The following UBXN2A variants were observed in gnomAD, a reference collection of about 807,000 sequenced individuals.
The protein encoded by UBXN2A is UBX domain protein 2A, also known as UBX domain-containing protein 2A.
A neutral mutation model predicts 28.4 loss-of-function variants in UBXN2A; 28 were observed. That is an observed-to-expected ratio of 0.99 (90% CI 0.73 to 1.35). The LOEUF (loss-of-function observed/expected upper bound fraction) is 1.35, where lower values mean the gene tolerates loss of function less well. UBXN2A is among the 40% of genes most tolerant of loss of function. The pLI, the probability that UBXN2A is intolerant of heterozygous loss-of-function variation, is 0.00. For missense variants in UBXN2A, 253 were observed against 297.9 expected (o/e 0.85, Z 1.11); for synonymous variants, 97 against 103.6 (o/e 0.94, Z 0.39).
At chr2:23,944,510 G>A (rs767425370) in intron 1 of UBXN2A, among the ~76,000 whole-genome samples, 6 of 152,188 alleles carry the variant, frequency 3.9e-5, no homozygotes, top group Non-Finnish European at 8.8e-5. Flanking sequence ...CTTGTAGACC[G>A]TAATGGTGGA....
chr2:23,952,642 A>T (rs941474629), intron 1 of UBXN2A, among the ~76,000 whole-genome samples: 3 of 149,374 alleles, frequency 2.0e-5, no homozygotes, highest in African/African-American at 7.3e-5. Flanking sequence ...GACGGGTTTC[A>T]CCATGTTGGC....
intron 1 of UBXN2A, among the ~76,000 whole-genome samples, chr2:23,928,219 AAGGAAAG>A (rs1351462856): frequency 6.6e-6 from 1 of 150,502 alleles, no homozygotes; most frequent in Non-Finnish European, 1.5e-5. Context: ...GGAAGAAAGA[AAGGAAAG>A]AAAGAAAGAA....
chr2:23,971,275 G>A lies in UBXN2A; in HGVS notation c.42-1G>A. ...TGCCTGTTTTTCTTTATCTTGTTTA[G>A]GGTTTGTGAAACAGGATCTGATAAT... On this transcript the variant is annotated splice_acceptor_variant, in intron 2 of 6. Coordinates refer to ENST00000309033, the MANE Select transcript of UBXN2A (RefSeq NM_181713.4). LOFTEE classifies it high-confidence loss of function. 1 of 1,550,554 alleles carries A rather than the reference G, an allele frequency of 6.4e-7. No homozygotes were observed. The highest frequency in any genetic ancestry group is 8.8e-7 in the Non-Finnish European group (1 of 1,138,222).
chr2:23,977,849 C>A (rs1006448882), intron 4 of UBXN2A, among the ~76,000 whole-genome samples: 1 of 151,342 alleles, frequency 6.6e-6, no homozygotes, highest in African/African-American at 2.4e-5. Flanking sequence ...TTTTTTTTCC[C>A]GAGATGGAGT....
At chr2:23,965,228 A>G (rs1190646427) in intron 2 of UBXN2A, among the ~76,000 whole-genome samples, 5 of 152,106 alleles carry the variant, frequency 3.3e-5, no homozygotes, top group African/African-American at 1.2e-4. Flanking sequence ...ATCTTACTGG[A>G]TTAGCTCGGA....
Position 23,971,354 on chromosome 2 carries a change from T to C in UBXN2A, c.120T>C (p.Leu40=). 1.3e-6 allele frequency: 2 copies of C among 1,578,258 alleles called. No homozygotes were observed. The highest frequency in any genetic ancestry group is 1.7e-6 in the Non-Finnish European group (2 of 1,153,658). ...ATTGTGAATATTTTGTTGATAGCCT[T>C]TTTGAGGAAGCTCAGAAGGTTAGTT... The part of the protein sequence containing the change: ...QSNCEYFVDS[L]FEEAQKVSSK... The change falls in exon 3 of 7, where the codon CTT becomes CTC. Residue 40 remains leucine, a synonymous_variant. Coordinates refer to ENST00000309033, the MANE Select transcript of UBXN2A (RefSeq NM_181713.4).
intron 2 of UBXN2A, among the ~76,000 whole-genome samples, chr2:23,961,508 A>G (rs1394425769): frequency 1.3e-5 from 2 of 149,550 alleles, no homozygotes; most frequent in African/African-American, 2.5e-5. Context: ...GTTAAAAACA[A>G]TGGTCCAGGG....
At chr2:23,976,867 C>T (rs1249780149) in intron 3 of UBXN2A, 102 bp from the exon 4 acceptor site, 3 of 914,948 alleles carry the variant, frequency 3.3e-6, no homozygotes, top group Non-Finnish European at 3.3e-6. Context: ...AGGAGTGAAC[C>T]ACCCCACCCG....
chr2:23,987,281 G>A (rs551788822), intron 6 of UBXN2A, among the ~76,000 whole-genome samples: 26 of 152,008 alleles, frequency 1.7e-4, no homozygotes, highest in Middle Eastern at 3.4e-3. Context: ...TCAAAACATA[G>A]ATTCTTATCA....
intron 1 of UBXN2A, among the ~76,000 whole-genome samples, chr2:23,928,374 G>A (rs1705209833): frequency 3.3e-5 from 5 of 152,010 alleles, no homozygotes; most frequent in East Asian, 1.9e-4. Flanking sequence ...TCAGGAGTTC[G>A]AGACCAACCT....
chr2:23,979,662 C>T (rs1435538287), intron 4 of UBXN2A, among the ~76,000 whole-genome samples: 1 of 151,956 alleles, frequency 6.6e-6, no homozygotes, highest in Non-Finnish European at 1.5e-5. Flanking sequence ...TCAAACTCCC[C>T]GTCTCAAGTG....
intron 6 of UBXN2A, among the ~76,000 whole-genome samples, chr2:23,990,773 CAAA>C (rs765874247): frequency 3.0e-5 from 3 of 99,842 alleles, no homozygotes; most frequent in Non-Finnish European, 4.2e-5. Flanking sequence ...GACTCCATCT[CAAA>C]AAAAAAAAAA....
chr2:23,942,967 C>CTTTT, intron 1 of UBXN2A, among the ~76,000 whole-genome samples: 1 of 145,118 alleles, frequency 6.9e-6, no homozygotes, highest in Non-Finnish European at 1.5e-5. Context: ...CTACAAACAA[C>CTTTT]TTTTTTTTTT....
upstream of UBXN2A, among the ~76,000 whole-genome samples, chr2:23,935,627 G>T (rs539129804): frequency 6.6e-6 from 1 of 152,330 alleles, no homozygotes; most frequent in South Asian, 2.1e-4. Context: ...GGAAGATGTA[G>T]AGAAATTAGA....
chr2:23,969,509 C>T (rs746687884), intron 2 of UBXN2A, among the ~76,000 whole-genome samples: 7 of 152,144 alleles, frequency 4.6e-5, no homozygotes, highest in Non-Finnish European at 5.9e-5. Flanking sequence ...AGTACAGGAG[C>T]GTACCATCAT....
At chr2:23,927,650 C>T (rs1289259395) in intron 1 of UBXN2A, 2 of 149,842 alleles carry the variant, frequency 1.3e-5, no homozygotes, top group African/African-American at 4.9e-5. Flanking sequence ...GGGGAAACAC[C>T]ATGCTAGAAC....
At chr2:23,971,542 G>A (rs1707422731) in intron 3 of UBXN2A, 128 bp downstream of exon 3, 4 of 1,054,182 alleles carry the variant, frequency 3.8e-6, no homozygotes, top group South Asian at 2.6e-5. Context: ...AGACTGGAGT[G>A]CAGTGGCTCG....
chr2:23,984,466 GAT>G, intron 5 of UBXN2A, among the ~76,000 whole-genome samples: 1 of 152,070 alleles, frequency 6.6e-6, no homozygotes, highest in East Asian at 1.9e-4. Context: ...AAATTACTCA[GAT>G]ATGTATAACT....
At chr2:23,953,782 A>G (rs886298934) in intron 1 of UBXN2A, among the ~76,000 whole-genome samples, 4 of 152,166 alleles carry the variant, frequency 2.6e-5, no homozygotes, top group African/African-American at 9.6e-5. Context: ...TTGTGATATC[A>G]TCTGATTATG....
Sources: allele counts gnomAD v4.1 joint callset (sites outside exome capture counted in the v4.1 genomes callset), GRCh38; gene constraint gnomAD v4.1.1; transcripts MANE v1.5; gene names NCBI Gene and HGNC (gene_info 2026-07-23, HGNC 2026-07-21).